CNRIP1: variants seen among roughly 807,000 people sequenced by gnomAD.
The protein encoded by CNRIP1 is CB1 cannabinoid receptor-interacting protein 1.
In CNRIP1, 10 loss-of-function variants were observed where a neutral mutation model predicts 15.2. The observed-to-expected ratio is 0.66, with a 90% CI of 0.41 to 1.12. The LOEUF (loss-of-function observed/expected upper bound fraction) is 1.12. Ranked by LOEUF, CNRIP1 falls within the 50% of genes most tolerant of loss-of-function variation. CNRIP1 has a pLI of 0.00. For synonymous variants in CNRIP1, 91 were observed against 83.2 expected (o/e 1.09, Z -0.51); for missense variants, 211 against 214.7 (o/e 0.98, Z 0.11).
At chr2:68,311,688 T>C (rs1367020450) in intron 2 of CNRIP1, among the ~76,000 whole-genome samples, 4 of 148,110 alleles carry the variant, frequency 2.7e-5, no homozygotes, top group Non-Finnish European at 5.9e-5. Context: ...GGCAGGAGAA[T>C]TGCCTGAATC....
chr2:68,308,653 CACAT>C (rs1671958587), intron 2 of CNRIP1, among the ~76,000 whole-genome samples: 1 of 151,976 alleles, frequency 6.6e-6, no homozygotes, highest in African/African-American at 2.4e-5. Context: ...TGAAAAAACA[CACAT>C]AATGATGGTC....
chr2:68,301,153 C>T (rs1013298013), intron 2 of CNRIP1, among the ~76,000 whole-genome samples: 4 of 152,108 alleles, frequency 2.6e-5, no homozygotes, highest in Non-Finnish European at 4.4e-5. Flanking sequence ...TTTTTATTTG[C>T]TTGAAGTATT....
intron 2 of CNRIP1, among the ~76,000 whole-genome samples, chr2:68,296,167 T>A (rs1317650032): frequency 6.6e-6 from 1 of 152,236 alleles, no homozygotes; most frequent in African/African-American, 2.4e-5. Flanking sequence ...CATGTAATAT[T>A]TTTAAATGTA....
rs979908492 is a variant in CNRIP1 at position 68,284,825 on chromosome 2, A to AG, written c.331-342_331-341insC. Reference sequence around the variant, plus strand: ...GACTCTGTCTCAAAAAAAAAAAAAAAAAAGAAAAGAAAACCACAGCGAAGC... The same window carrying AG: ...GACTCTGTCTCAAAAAAAAAAAAAAAGAAAGAAAAGAAAACCACAGCGAAGC... On this transcript the variant is annotated intron_variant, in intron 2 of 2. Transcript: ENST00000409559. Among the ~76,000 whole-genome samples, 5 of 149,564 alleles carry AG rather than the reference A, an allele frequency of 3.3e-5. No individual in the cohort carries two copies. In the South Asian group the frequency reaches 1.0e-3, roughly 31 times the overall value.
Position 68,319,904 on chromosome 2 carries a change from C to T in CNRIP1, c.-504G>A, listed in dbSNP as rs1386084792. ...GACCACTATGCCAAGGAGCGAGACC[C>T]CCGGAATCTGGATACCGCCTCGGCC... On this transcript the variant is annotated 5_prime_UTR_variant, in exon 1 of 3. Coordinates refer to ENST00000263655, the MANE Select transcript of CNRIP1 (RefSeq NM_015463.3). 1 of 152,584 alleles carries T rather than the reference C, an allele frequency of 6.6e-6. No individual in the cohort carries two copies. The highest frequency in any genetic ancestry group is 1.5e-5 in the Non-Finnish European group (1 of 68,338). 9.5% of individuals were successfully genotyped at this position (152,584 alleles called of 1,614,324 possible).
chr2:68,290,571 A>G (rs1573004158), downstream of CNRIP1, among the ~76,000 whole-genome samples: 1 of 152,176 alleles, frequency 6.6e-6, no homozygotes, highest in Non-Finnish European at 1.5e-5. Context: ...AAAAAAGAAT[A>G]TTTTCAGTAT....
At chr2:68,292,192 T>TA (rs1671189848), downstream of CNRIP1, among the ~76,000 whole-genome samples, 1 of 152,172 alleles carries the variant, frequency 6.6e-6, no homozygotes, top group East Asian at 1.9e-4. Context: ...AATGGGTTAG[T>TA]ACTTACGTTT....
intron 1 of CNRIP1, among the ~76,000 whole-genome samples, 183 bp from the exon 2 acceptor site, chr2:68,317,490 T>A (rs994681784): frequency 4.6e-5 from 7 of 152,228 alleles, no homozygotes; most frequent in Admixed American, 3.3e-4. Flanking sequence ...AAAACCTACC[T>A]ATCCCCAGCC....
chr2:68,302,589 T>C (rs1489388195), intron 2 of CNRIP1, among the ~76,000 whole-genome samples: 1 of 152,226 alleles, frequency 6.6e-6, no homozygotes. Context: ...CTAAGTCAGA[T>C]GGCATTTGAC....
chr2:68,319,449 C>T lies in CNRIP1; in HGVS notation c.-49G>A. On this transcript the variant is annotated 5_prime_UTR_variant, in exon 1 of 3. Coordinates refer to ENST00000263655, the MANE Select transcript of CNRIP1 (RefSeq NM_015463.3). ...CGGCTCCGGGGGGCGGAGGACAGCG[C>T]CGGCTGCGGCCGAGTGGCTGGAGCG... 1 of 1,450,058 alleles carries T rather than the reference C, an allele frequency of 6.9e-7. No individual in the cohort carries two copies. The highest frequency in any genetic ancestry group is 1.4e-5 in the South Asian group (1 of 72,200). 89.8% of individuals were successfully genotyped at this position (1,450,058 alleles called of 1,614,324 possible).
intron 2 of CNRIP1, among the ~76,000 whole-genome samples, chr2:68,308,956 G>A (rs1671973569): frequency 6.6e-6 from 1 of 151,938 alleles, no homozygotes; most frequent in Non-Finnish European, 1.5e-5. Flanking sequence ...CATTAGAAGG[G>A]AGAGAAATAT....
In CNRIP1 at chr2:68,319,381, AGGCCC is replaced by A; in HGVS notation, c.15_19del (p.Gly6ArgfsTer12). Reference sequence around the variant, plus strand: ...GCGCAGCGCGATGGAGAGGCGCACGAGGCCCGGCAGGTCCCCCATGTCTGGGCGAG... The same window carrying A: ...GCGCAGCGCGATGGAGAGGCGCACGAGGCAGGTCCCCCATGTCTGGGCGAG... On this transcript the variant is annotated frameshift_variant, in exon 1 of 3. Coordinates refer to ENST00000263655, the MANE Select transcript of CNRIP1 (RefSeq NM_015463.3). LOFTEE classifies it high-confidence loss of function. 6.3e-7 allele frequency: 1 copy of A among 1,580,804 alleles called. No homozygotes were observed. The highest frequency in any genetic ancestry group is 8.6e-7 in the Non-Finnish European group (1 of 1,165,652).
At chr2:68,308,767 AATT>A (rs1671964611) in intron 2 of CNRIP1, among the ~76,000 whole-genome samples, 1 of 152,116 alleles carries the variant, frequency 6.6e-6, no homozygotes, top group African/African-American at 2.4e-5. Context: ...ACAGATTGTC[AATT>A]ATCAGTGATT....
At chr2:68,316,335 G>A (rs1672269295) in intron 2 of CNRIP1, 1 of 152,134 alleles carries the variant, frequency 6.6e-6, no homozygotes, top group Admixed American at 6.5e-5. Context: ...CGATATTTGA[G>A]AACCCTTGTG....
chr2:68,300,978 T>A (rs1671584153), intron 2 of CNRIP1, among the ~76,000 whole-genome samples: 1 of 152,292 alleles, frequency 6.6e-6, no homozygotes, highest in Non-Finnish European at 1.5e-5. Flanking sequence ...TTCAGACATA[T>A]AAGGGGAAAA....
At chr2:68,291,267 T>C (rs1671161332), downstream of CNRIP1, among the ~76,000 whole-genome samples, 1 of 151,946 alleles carries the variant, frequency 6.6e-6, no homozygotes, top group Non-Finnish European at 1.5e-5. Context: ...ACATACGACA[T>C]AGACAGATAT....
At chr2:68,311,796 A>G (rs867730690) in intron 2 of CNRIP1, among the ~76,000 whole-genome samples, 4 of 151,232 alleles carry the variant, frequency 2.6e-5, no homozygotes, top group East Asian at 3.9e-4. Flanking sequence ...AAAAAAAAAA[A>G]AAAAAAGAAA....
At chr2:68,304,683 C>T (rs1418616491) in intron 2 of CNRIP1, among the ~76,000 whole-genome samples, 2 of 150,910 alleles carry the variant, frequency 1.3e-5, no homozygotes, top group East Asian at 2.0e-4. Context: ...AGCAGTGGTG[C>T]GATCTCAGCT....
At position 68,293,234 on chromosome 2, in the gene CNRIP1, T is replaced by G; in HGVS notation, c.*628A>C. ...CTAGGCTAGGCCATTGCACAATACC[T>G]TAAGCTACTTAAAAGAGTTTTAATA... On this transcript the variant is annotated 3_prime_UTR_variant, in exon 3 of 3. Transcript: ENST00000263655. 1.0e-6 allele frequency: 1 copy of G among 985,600 alleles called. No homozygotes were observed. The highest frequency in any genetic ancestry group is 1.2e-6 in the Non-Finnish European group (1 of 830,022). 61.1% of individuals were successfully genotyped at this position (985,600 alleles called of 1,614,324 possible).
Sources: gnomAD v4.1 joint callset for allele counts (sites outside exome capture counted in the v4.1 genomes callset) on GRCh38, gnomAD v4.1.1 for gene constraint, MANE v1.5 for transcripts, NCBI Gene and HGNC (gene_info 2026-07-23, HGNC 2026-07-21) for gene names.